The following FAM120B variants were observed in gnomAD, a reference collection of about 807,000 sequenced individuals.
FAM120B encodes the protein constitutive coactivator of peroxisome proliferator-activated receptor gamma.
FAM120B carries 83 observed loss-of-function variants against 96.3 expected under a neutral mutation model. That is an observed-to-expected ratio of 0.86 (90% CI 0.72 to 1.03). The LOEUF (loss-of-function observed/expected upper bound fraction) is 1.03, where lower values mean the gene tolerates loss of function less well. Ranked by LOEUF, FAM120B falls within the 50% of genes least tolerant of loss-of-function variation. The pLI is 0.00. For synonymous variants in FAM120B, 407 were observed against 402.7 expected (o/e 1.01, Z -0.13); for missense variants, 1,027 against 1,121.2 (o/e 0.92, Z 1.20).
At chr6:170,296,124 C>T (rs1341422890) in intron 1 of FAM120B, among the ~76,000 whole-genome samples, 3 of 152,112 alleles carry the variant, frequency 2.0e-5, no homozygotes, top group African/African-American at 7.2e-5. Flanking sequence ...ATCAGATTAC[C>T]GCAGCAGCTG....
Position 170,319,083 on chromosome 6 carries a change from A to G in FAM120B, c.1693A>G (p.Lys565Glu), listed in dbSNP as rs200051487. 3.2e-6 allele frequency: 5 copies of G among 1,584,490 alleles called. No individual in the cohort carries two copies. Among genetic ancestry groups the G allele is most frequent in the East Asian group, 2.2e-5 (1 of 44,528 alleles). Residue 565 changes from lysine to glutamate, a missense_variant, in exon 2 of 11, where the codon AAG becomes GAG. Coordinates refer to ENST00000476287, the MANE Select transcript of FAM120B (RefSeq NM_032448.3). ...EDPTNVGPEV[K>E]QQVTMVSDTE... ...CCCCACAAATGTGGGGCCTGAAGTAAAGCAACAAGTAACCATGGTTTCAGA... is the reference window on the plus strand; with the variant it reads ...CCCCACAAATGTGGGGCCTGAAGTAGAGCAACAAGTAACCATGGTTTCAGA...
chr6:170,348,125 G>A, intron 4 of FAM120B, 26 bp from the exon 5 acceptor site: 1 of 1,602,542 alleles, frequency 6.2e-7, no homozygotes, highest in African/African-American at 1.3e-5. Context: ...AAGAACAATA[G>A]TTAATGGACT....
intron 4 of FAM120B, among the ~76,000 whole-genome samples, chr6:170,331,926 G>A (rs9459991): frequency 0.18 from 27,947 of 152,110 alleles, 3,490 homozygotes; most frequent in East Asian, 0.59. Context: ...GGAGGGCCAC[G>A]TCTCAAACAC....
upstream of FAM120B, among the ~76,000 whole-genome samples, chr6:170,304,633 G>C (rs1009310973): frequency 1.3e-5 from 2 of 152,098 alleles, no homozygotes; most frequent in Non-Finnish European, 1.5e-5. Flanking sequence ...GGGGCTCCTT[G>C]CTCTGCCTGC....
chr6:170,391,014 G>T lies in FAM120B; in HGVS notation c.2492G>T (p.Arg831Ile), dbSNP rs1272410630. 1 of 1,613,776 alleles carries T rather than the reference G, an allele frequency of 6.2e-7. No individual in the cohort carries two copies. Among genetic ancestry groups the T allele is most frequent in the Non-Finnish European group, 8.5e-7 (1 of 1,179,844 alleles). ...CATTTGCATCTGGTCTGTTTGCAGA[G>T]ATCTCGGCTCACCAAATTCCACAAC... is the stretch of plus-strand genomic sequence containing the variant. Reference protein sequence around the residue: ...YAVEVLLEQNRSRLTKFHNLK... With the variant: ...YAVEVLLEQNISRLTKFHNLK... The change falls in exon 8 of 11, where the codon AGA becomes ATA. Residue 831 changes from arginine (R) to isoleucine (I), a missense_variant and splice_region_variant. Physicochemically the swap from Arg to Ile is moderately conservative, Grantham distance 97 (BLOSUM62 -3). Coordinates refer to ENST00000476287, the MANE Select transcript of FAM120B (RefSeq NM_032448.3).
At chr6:170,378,738 G>C (rs1307236845) in intron 6 of FAM120B, among the ~76,000 whole-genome samples, 1 of 152,232 alleles carries the variant, frequency 6.6e-6, no homozygotes, top group Non-Finnish European at 1.5e-5. Context: ...AGAGAAGCAG[G>C]GCTGAGCCCT....
chr6:170,336,681 AT>A (rs1325443503), intron 4 of FAM120B, among the ~76,000 whole-genome samples: 1 of 152,078 alleles, frequency 6.6e-6, no homozygotes, highest in Admixed American at 6.6e-5. Flanking sequence ...ATGTTTTTCC[AT>A]TTGTTTGTGT....
At chr6:170,391,363 C>T (rs1259354413) in intron 8 of FAM120B, among the ~76,000 whole-genome samples, 5 of 152,064 alleles carry the variant, frequency 3.3e-5, no homozygotes, top group Admixed American at 6.6e-5. Context: ...GGTGAAACCC[C>T]GTCTCTACTA....
chr6:170,333,375 G>C (rs1316419463), intron 4 of FAM120B, among the ~76,000 whole-genome samples: 1 of 152,066 alleles, frequency 6.6e-6, no homozygotes, highest in Non-Finnish European at 1.5e-5. Context: ...CCTTGATCTT[G>C]GGCTTCCAGC....
In FAM120B at chr6:170,317,502, A is replaced by G; in HGVS notation, c.112A>G (p.Thr38Ala). ...CCACCGAAGCAAGTATCCTGGATGT[A>G]CCCCTACCATTGTGGTTGATGCCAT... ...EHHRSKYPGC[T>A]PTIVVDAMCC... is the part of the protein sequence containing the mutation. The change falls in exon 2 of 11, where the codon ACC (threonine) becomes GCC (alanine). Residue 38 changes from threonine to alanine, a missense_variant. Transcript: ENST00000476287. 1 of 1,614,166 alleles carries G rather than the reference A, an allele frequency of 6.2e-7. No homozygotes were observed. Among genetic ancestry groups the G allele is most frequent in the Non-Finnish European group, 8.5e-7 (1 of 1,180,024 alleles).
chr6:170,291,420 C>G (rs923663232), upstream of FAM120B, among the ~76,000 whole-genome samples: 2 of 151,990 alleles, frequency 1.3e-5, no homozygotes, highest in Non-Finnish European at 2.9e-5. Flanking sequence ...GTCCCGGGGG[C>G]TTGGGGAGGG....
chr6:170,345,719 C>G (rs1465099983), intron 4 of FAM120B, among the ~76,000 whole-genome samples: 2 of 152,176 alleles, frequency 1.3e-5, no homozygotes, highest in East Asian at 1.9e-4. Flanking sequence ...TAGACAGATA[C>G]CTGGAAATCT....
At chr6:170,311,855 A>C (rs531226727) in intron 1 of FAM120B, among the ~76,000 whole-genome samples, 296 of 152,344 alleles carry the variant, frequency 1.9e-3, no homozygotes, top group African/African-American at 6.9e-3. Context: ...TTCTTGATGC[A>C]ATGCTTTTGG....
chr6:170,380,389 T>TA (rs1789833879), intron 6 of FAM120B, among the ~76,000 whole-genome samples: 1 of 152,192 alleles, frequency 6.6e-6, no homozygotes, highest in Non-Finnish European at 1.5e-5. Flanking sequence ...TGCTGGGTCA[T>TA]ATGGTAGCTC....
At position 170,404,725 on chromosome 6, in the gene FAM120B, G is replaced by T. The variant is rs920496764; in HGVS notation, c.*12-38G>T. The T allele has an allele frequency of 5.4e-6, 4 of 746,830 alleles. No individual in the cohort carries two copies. The Admixed American group carries it at 7.0e-5, about 13-fold the overall frequency. The allele number at this position is 746,830 out of a possible 1,614,324, so 46.3% of individuals were successfully genotyped here. On this transcript the variant is annotated intron_variant, in intron 10 of 10. Coordinates refer to ENST00000476287, the MANE Select transcript of FAM120B (RefSeq NM_032448.3). ...TATTGAATCCTGCTGACCTGGTGCC[G>T]AGTTAACTTGGTTTCAAAACACTCT...
At chr6:170,362,677 C>CT (rs1023874571) in intron 6 of FAM120B, among the ~76,000 whole-genome samples, 7 of 149,824 alleles carry the variant, frequency 4.7e-5, no homozygotes, top group Non-Finnish European at 8.9e-5. Flanking sequence ...TGTTTTCTTT[C>CT]TTTTTTCTTT....
chr6:170,337,244 G>C (rs76800557), intron 4 of FAM120B, among the ~76,000 whole-genome samples: 1 of 152,112 alleles, frequency 6.6e-6, no homozygotes, highest in Non-Finnish European at 1.5e-5. Flanking sequence ...TAGCATGAAG[G>C]GCTGTTGAAT....
intron 6 of FAM120B, among the ~76,000 whole-genome samples, chr6:170,358,691 C>G (rs2115185943): frequency 6.6e-6 from 1 of 152,380 alleles, no homozygotes; most frequent in East Asian, 1.9e-4. Context: ...GTGGGGCCGC[C>G]TGGCACCTTC....
At chr6:170,375,311 A>G (rs1212485082) in intron 6 of FAM120B, among the ~76,000 whole-genome samples, 1 of 152,232 alleles carries the variant, frequency 6.6e-6, no homozygotes, top group African/African-American at 2.4e-5. Flanking sequence ...TGTGAAGTCC[A>G]TTCCTTCAGG....
Sources: allele counts gnomAD v4.1 joint callset (sites outside exome capture counted in the v4.1 genomes callset), GRCh38; gene constraint gnomAD v4.1.1; transcripts MANE v1.5; gene names NCBI Gene and HGNC (gene_info 2026-07-23, HGNC 2026-07-21).